Variants in NTM observed in about 807,000 individuals in gnomAD.
NTM encodes the protein IgLON family member 2.
A neutral mutation model predicts 42.1 loss-of-function variants in NTM; 13 were observed. The ratio of observed to expected loss-of-function variants is 0.31; its 90% CI spans 0.20 to 0.49. The LOEUF (loss-of-function observed/expected upper bound fraction) is 0.49, where lower values mean the gene tolerates loss of function less well. Ranked by LOEUF, NTM falls within the 20% of genes least tolerant of loss-of-function variation. The pLI is 0.99. For synonymous variants in NTM, 187 were observed against 179.2 expected (o/e 1.04, Z -0.35); for missense variants, 373 against 452.8 (o/e 0.82, Z 1.60).
chr11:131,623,689 G>T (rs1203390994), intron 1 of NTM, among the ~76,000 whole-genome samples: 2 of 152,332 alleles, frequency 1.3e-5, no homozygotes, highest in African/African-American at 4.8e-5. Context: ...CCCCGCAGAT[G>T]GTTTTGGGCT....
At chr11:131,800,489 A>G (rs2092006754) in intron 1 of NTM, among the ~76,000 whole-genome samples, 3 of 152,252 alleles carry the variant, frequency 2.0e-5, no homozygotes, top group African/African-American at 7.2e-5. Flanking sequence ...CCTGCAAAAG[A>G]TTCATATAGG....
At chr11:131,796,184 A>C (rs2091536138) in intron 1 of NTM, 3 of 985,044 alleles carry the variant, frequency 3.0e-6, no homozygotes, top group Non-Finnish European at 3.6e-6. Context: ...CTGGGGAAAC[A>C]AAGGAAAAGG....
At chr11:131,522,560 G>A (rs2049899859) in intron 1 of NTM, among the ~76,000 whole-genome samples, 1 of 152,174 alleles carries the variant, frequency 6.6e-6, no homozygotes, top group South Asian at 2.1e-4. Context: ...TTTCTCCAGG[G>A]AAACAGACCT....
At chr11:131,813,990 C>A (rs2092845203) in intron 1 of NTM, among the ~76,000 whole-genome samples, 1 of 152,114 alleles carries the variant, frequency 6.6e-6, no homozygotes, top group African/African-American at 2.4e-5. Context: ...AAGAGTTCAA[C>A]AAATGTTAGC....
intron 3 of NTM, among the ~76,000 whole-genome samples, chr11:132,158,941 A>C (rs2073766226): frequency 6.6e-6 from 1 of 152,218 alleles, no homozygotes; most frequent in Non-Finnish European, 1.5e-5. Flanking sequence ...GAGGCGCACC[A>C]CAGCCTGGAT....
chr11:131,640,036 T>G (rs2064943111), intron 1 of NTM, among the ~76,000 whole-genome samples: 1 of 152,062 alleles, frequency 6.6e-6, no homozygotes, highest in South Asian at 2.1e-4. Flanking sequence ...CTCTTCTGGT[T>G]CTATTGAGCT....
rs1460992249 is a variant in NTM at position 131,789,573 on chromosome 11, A to G, written c.83-121991A>G. ...AAGAAGAAGAAGAAGAAGAAGAAGA[A>G]GAAGAAGAAGAAGAAGAAGAAGAAG... On this transcript the variant is annotated intron_variant, in intron 1 of 8. Transcript: ENST00000683400. Among the ~76,000 whole-genome samples, 2 of 52,062 alleles carry G rather than the reference A, an allele frequency of 3.8e-5. 1 individual carries two copies. The highest frequency in any genetic ancestry group is 2.2e-4 in the African/African-American group (2 of 9,018). The allele number at this position is 52,062 out of a possible 152,430, so 34.2% of individuals were successfully genotyped here.
intron 1 of NTM, among the ~76,000 whole-genome samples, chr11:131,453,290 A>C (rs1173303293): frequency 2.0e-5 from 3 of 152,298 alleles, no homozygotes; most frequent in South Asian, 2.1e-4. Context: ...TAGAAAACTC[A>C]ACCTCTGCAA....
chr11:131,949,168 G>A (rs1431231589), intron 2 of NTM, among the ~76,000 whole-genome samples: 1 of 152,202 alleles, frequency 6.6e-6, no homozygotes, highest in Non-Finnish European at 1.5e-5. Flanking sequence ...TTCTTTCTCA[G>A]TTAAGACTGA....
At chr11:132,094,637 G>C (rs2060747977) in intron 2 of NTM, among the ~76,000 whole-genome samples, 1 of 152,170 alleles carries the variant, frequency 6.6e-6, no homozygotes, top group Non-Finnish European at 1.5e-5. Flanking sequence ...TGGTCCCCAG[G>C]TGTTGGTAAA....
At chr11:131,513,999 A>G (rs979076530) in intron 1 of NTM, among the ~76,000 whole-genome samples, 1 of 152,084 alleles carries the variant, frequency 6.6e-6, no homozygotes, top group African/African-American at 2.4e-5. Context: ...TCTGGAATTT[A>G]TGCTTCTAAG....
intron 1 of NTM, among the ~76,000 whole-genome samples, chr11:131,613,957 CTT>C (rs2061679496): frequency 6.6e-6 from 1 of 152,188 alleles, no homozygotes; most frequent in Non-Finnish European, 1.5e-5. Flanking sequence ...GTGAAATTCT[CTT>C]TCTACACGCA....
intron 3 of NTM, among the ~76,000 whole-genome samples, chr11:132,209,898 G>T (rs207472542): frequency 6.6e-6 from 1 of 152,218 alleles, no homozygotes; most frequent in Non-Finnish European, 1.5e-5. Context: ...TTGGGTGGAT[G>T]CAGGACATAC....
intron 1 of NTM, among the ~76,000 whole-genome samples, chr11:131,718,220 T>A (rs2077932641): frequency 6.6e-6 from 1 of 152,226 alleles, no homozygotes; most frequent in Admixed American, 6.5e-5. Context: ...ATGCTGACCT[T>A]ATAGAATGAA....
chr11:132,259,507 C>A (rs2092711568), intron 4 of NTM, among the ~76,000 whole-genome samples: 1 of 151,842 alleles, frequency 6.6e-6, no homozygotes, highest in African/African-American at 2.4e-5. Context: ...TGGTGAAACA[C>A]CATCTCTACT....
At chr11:131,810,349 C>T (rs992913944) in intron 1 of NTM, among the ~76,000 whole-genome samples, 1 of 152,168 alleles carries the variant, frequency 6.6e-6, no homozygotes, top group Non-Finnish European at 1.5e-5. Context: ...TTTGTGGGCA[C>T]CCAGAGAGTG....
intron 2 of NTM, among the ~76,000 whole-genome samples, chr11:132,092,235 C>T (rs556982593): frequency 2.0e-5 from 3 of 152,330 alleles, no homozygotes; most frequent in East Asian, 3.9e-4. Flanking sequence ...TCTGTTCTGT[C>T]TCTTCCCTGT....
At chr11:131,674,077 A>C (rs1003385050) in intron 1 of NTM, among the ~76,000 whole-genome samples, 25 of 152,364 alleles carry the variant, frequency 1.6e-4, no homozygotes, top group African/African-American at 6.0e-4. Flanking sequence ...TGGAAAAAAC[A>C]TACACACACA....
At chr11:132,314,215 A>G (rs945225652) in intron 6 of NTM, among the ~76,000 whole-genome samples, 1 of 151,988 alleles carries the variant, frequency 6.6e-6, no homozygotes, top group African/African-American at 2.4e-5. Flanking sequence ...TGAACCACCT[A>G]CTGTGTGAAT....
Sources: allele counts gnomAD v4.1 joint callset (sites outside exome capture counted in the v4.1 genomes callset), GRCh38; gene constraint gnomAD v4.1.1; transcripts MANE v1.5; gene names NCBI Gene and HGNC (gene_info 2026-07-23, HGNC 2026-07-21).